Variants in DEDD observed in about 807,000 individuals in gnomAD.
The protein encoded by DEDD is death effector domain-containing protein.
Under a neutral mutation model 29.2 loss-of-function variants are expected in DEDD, and 3 were observed. That is an observed-to-expected ratio of 0.10 (90% CI 0.05 to 0.27). The LOEUF is 0.27. Among genes scored for constraint, DEDD ranks in the 10% least tolerant of loss-of-function variants. The pLI is 1.00. For synonymous variants in DEDD, 152 were observed against 161.3 expected, an observed-to-expected ratio of 0.94 and a Z score of 0.44; for missense variants, 261 against 420.5, an observed-to-expected ratio of 0.62 and a Z score of 3.32.
At chr1:161,129,023 G>A (rs1310250757) in intron 2 of DEDD, among the ~76,000 whole-genome samples, 4 of 152,184 alleles carry the variant, frequency 2.6e-5, no homozygotes, top group African/African-American at 9.7e-5. Context: ...TATTAGAAAT[G>A]TAATCCTCTG....
intron 2 of DEDD, chr1:161,125,504 T>C (rs1292982156): frequency 2.0e-5 from 3 of 152,106 alleles, no homozygotes; most frequent in African/African-American, 7.2e-5. Context: ...TTTGGCAATA[T>C]CAACTTTTTT....
chr1:161,124,218 A>C lies in DEDD; in HGVS notation c.245T>G (p.Phe82Cys), dbSNP rs1238677042. ...ERQGRCDESN[F>C]RQVLQLLRII... Reference sequence around the variant, plus strand: ...GCGCAGCAGCTGCAGCACCTGGCGAAAGTTACTTTCATCACAGCGGCCCTG... The same window carrying C: ...GCGCAGCAGCTGCAGCACCTGGCGACAGTTACTTTCATCACAGCGGCCCTG... The change falls in exon 3 of 6, where the codon TTT becomes TGT. Residue 82 changes from phenylalanine to cysteine, a missense_variant. This residue lies in a region of DEDD where 203 missense variants were observed against 268.7 expected (regional missense o/e 0.76). Transcript: ENST00000368006. The C allele has an allele frequency of 3.7e-6, 6 of 1,614,124 alleles. No homozygotes were observed. In the African/African-American group the frequency reaches 8.0e-5, roughly 22 times the overall value.
At chr1:161,125,688 G>A (rs1656091641) in intron 2 of DEDD, among the ~76,000 whole-genome samples, 2 of 152,270 alleles carry the variant, frequency 1.3e-5, no homozygotes, top group East Asian at 3.9e-4. Context: ...TTTTAGTAGA[G>A]ATGGGTTTTT....
chr1:161,126,050 T>A (rs1656138682), intron 2 of DEDD, among the ~76,000 whole-genome samples: 1 of 152,178 alleles, frequency 6.6e-6, no homozygotes, highest in East Asian at 1.9e-4. Context: ...CACTCTCTGG[T>A]CACACTCTCC....
At chr1:161,129,822 A>G (rs1002831101) in intron 2 of DEDD, among the ~76,000 whole-genome samples, 2 of 152,182 alleles carry the variant, frequency 1.3e-5, no homozygotes, top group African/African-American at 4.8e-5. Flanking sequence ...TCCTGATCCC[A>G]CTGACTGGTC....
At chr1:161,125,611 C>T (rs544953301) in intron 2 of DEDD, among the ~76,000 whole-genome samples, 4 of 152,242 alleles carry the variant, frequency 2.6e-5, no homozygotes, top group East Asian at 1.9e-4. Flanking sequence ...AAGCAATTCT[C>T]GTGCCTCAGC....
rs1364913134 is a variant in DEDD, at chr1:161,123,839, C to T, written c.433G>A (p.Val145Met). 6.2e-7 allele frequency: 1 copy of T among 1,612,474 alleles called. No individual in the cohort carries two copies. The highest frequency in any genetic ancestry group is 1.1e-5 in the South Asian group (1 of 90,952). ...GCAGGGGGAGTTAATGTCTTCTCAC[C>T]TGTTTTAGAGGGCTGGGGAGGCCTT... is the stretch of plus-strand genomic sequence containing the variant. ...EPRPPQPSKT[V>M]PPHYPVVCCP... Residue 145 changes from valine to methionine, a missense_variant and splice_region_variant, in exon 4 of 6, where the codon GTG becomes ATG. Around this residue, in one of 2 missense-constraint regions of DEDD, gnomAD observed 203 missense variants for 268.7 expected, o/e 0.76. Coordinates refer to ENST00000368006, the MANE Select transcript of DEDD (RefSeq NM_032998.3).
At position 161,124,537 on chromosome 1, in the gene DEDD, A is replaced by G. The variant is rs1655948734; in HGVS notation, c.-64-11T>C. The G allele has an allele frequency of 4.6e-6, 7 of 1,537,372 alleles. No homozygotes were observed. Among genetic ancestry groups the G allele is most frequent in the Non-Finnish European group, 5.3e-6 (6 of 1,140,988 alleles). On this transcript the variant is annotated splice_polypyrimidine_tract_variant and intron_variant, in intron 2 of 5. Transcript: ENST00000368006. ...GCAATCCCCACCGTACTGAAAGGGC[A>G]GGGAAAGAACCGATGAGACACTCAA...
chr1:161,130,648 AAC>A (rs1283718792), intron 2 of DEDD, among the ~76,000 whole-genome samples, 165 bp downstream of exon 2: 2 of 152,206 alleles, frequency 1.3e-5, no homozygotes, highest in Non-Finnish European at 2.9e-5. Context: ...ATCTCCAATT[AAC>A]TAAAGACAGT....
At position 161,121,309 on chromosome 1, in the gene DEDD, A is replaced by G; in HGVS notation, c.*838T>C. ...TATGATGCCCTTTGCCCAAGCCAGA[A>G]GAAAGCAAAGGGGAAAAGGGCTGCA... On this transcript the variant is annotated 3_prime_UTR_variant, in exon 6 of 6. Transcript: ENST00000368006. 1 of 398,954 alleles carries G rather than the reference A, an allele frequency of 2.5e-6. No individual in the cohort carries two copies. The highest frequency in any genetic ancestry group is 3.4e-6 in the Non-Finnish European group (1 of 292,884). 24.7% of individuals were successfully genotyped at this position (398,954 alleles called of 1,614,324 possible).
chr1:161,123,029 T>C (rs1655696101), intron 5 of DEDD, 46 bp downstream of exon 5: 3 of 1,614,086 alleles, frequency 1.9e-6, no homozygotes, highest in Non-Finnish European at 2.5e-6. Flanking sequence ...TTCTTTATAT[T>C]CTCCTTCAAG....
chr1:161,124,575 G>C, intron 2 of DEDD, 49 bp from the exon 3 acceptor site: 1 of 1,481,506 alleles, frequency 6.7e-7, no homozygotes, highest in Non-Finnish European at 8.9e-7. Flanking sequence ...GCAGGAACTA[G>C]TCTCATGCAT....
At chr1:161,129,381 G>C (rs1256445934) in intron 2 of DEDD, among the ~76,000 whole-genome samples, 1 of 152,024 alleles carries the variant, frequency 6.6e-6, no homozygotes, top group Admixed American at 6.6e-5. Flanking sequence ...GACTGCTTGA[G>C]CCCAGGAGTT....
In DEDD at chr1:161,122,601, A is replaced by G; in HGVS notation, c.581-78T>C. On this transcript the variant is annotated intron_variant, in intron 5 of 5. Transcript: ENST00000368006. The surrounding 1 kb of genome is among the most constrained non-coding windows in gnomAD (Gnocchi z 4.2). ...TACAAGCCAAGCTTGAAAACTGAAA[A>G]GCACAACAGAATAAAAAAGTAGGGA... The G allele has an allele frequency of 6.6e-7, 1 of 1,524,346 alleles. No individual in the cohort carries two copies. The highest frequency in any genetic ancestry group is 8.8e-7 in the Non-Finnish European group (1 of 1,132,096). 94.4% of individuals were successfully genotyped at this position (1,524,346 alleles called of 1,614,324 possible).
Position 161,123,110 on chromosome 1 carries a change from G to A in DEDD, c.545C>T (p.Ser182Leu). 1 of 1,614,198 alleles carries A rather than the reference G, an allele frequency of 6.2e-7. No individual in the cohort carries two copies. Among genetic ancestry groups the A allele is most frequent in the Non-Finnish European group, 8.5e-7 (1 of 1,180,036 alleles). ...TLGSQRKRRK[S>L]VTPDPKEKQT... ...CTTCTCCTTGGGATCTGGTGTCACT[G>A]ACTTCCGGCGTTTTCGCTGGCTCCC... Residue 182 changes from serine to leucine, a missense_variant, in exon 5 of 6, where the codon TCA becomes TTA. Ser to Leu is a moderately radical substitution (Grantham distance 145). This residue lies in a region of DEDD where 203 missense variants were observed against 268.7 expected (regional missense o/e 0.76). Coordinates refer to ENST00000368006, the MANE Select transcript of DEDD (RefSeq NM_032998.3).
chr1:161,129,658 G>A (rs1326624986), intron 2 of DEDD, among the ~76,000 whole-genome samples: 2 of 152,050 alleles, frequency 1.3e-5, no homozygotes, highest in Non-Finnish European at 2.9e-5. Context: ...GTGAAGCAAG[G>A]GAGCTCAACT....
chr1:161,124,627 T>C (rs1186603006), intron 2 of DEDD, 101 bp from the exon 3 acceptor site: 1 of 1,354,756 alleles, frequency 7.4e-7, no homozygotes, highest in Non-Finnish European at 9.7e-7. Flanking sequence ...CACAGTATAG[T>C]GCTTTATACA....
chr1:161,122,499 T>G lies in DEDD; in HGVS notation c.605A>C (p.Glu202Ala), dbSNP rs761020116. 6.2e-7 allele frequency: 1 copy of G among 1,614,034 alleles called. No homozygotes were observed. The highest frequency in any genetic ancestry group is 2.2e-5 in the East Asian group (1 of 44,882). The change falls in exon 6 of 6, where the codon GAA (glutamate) becomes GCA (alanine). Residue 202 changes from glutamate to alanine, a missense_variant. Glu to Ala is a moderately radical substitution (Grantham distance 107, BLOSUM62 -1). Around this residue, in one of 2 missense-constraint regions of DEDD, gnomAD observed 58 missense variants for 151.8 expected, o/e 0.38. Coordinates refer to ENST00000368006, the MANE Select transcript of DEDD (RefSeq NM_032998.3). The surrounding 1 kb of genome is among the most constrained non-coding windows in gnomAD (Gnocchi z 4.2). Reference sequence around the variant, plus strand: ...CAGAGCAGTCTCATGCTGGCAGTATTCAGCCCGAACCCGCAGTCTGATGTC... The same window carrying G: ...CAGAGCAGTCTCATGCTGGCAGTATGCAGCCCGAACCCGCAGTCTGATGTC... Reference protein sequence around the residue: ...TCDIRLRVRAEYCQHETALQG... With the variant: ...TCDIRLRVRAAYCQHETALQG...
rs980427919 is a variant in DEDD at position 161,122,541 on chromosome 1, T to C, written c.581-18A>G. 9 of 1,610,162 alleles carry C rather than the reference T, an allele frequency of 5.6e-6. No individual in the cohort carries two copies. Among genetic ancestry groups the C allele is most frequent in the Non-Finnish European group, 7.6e-6 (9 of 1,177,152 alleles). On this transcript the variant is annotated intron_variant, in intron 5 of 5. Transcript: ENST00000368006. This position sits in a 1 kb window ranked among gnomAD's most constrained non-coding sequence, Gnocchi z 4.2. Reference sequence around the variant, plus strand: ...TCTGATGTCTGTTGGAAACAGAAGATACAGAGCAGAAGAGGTTACAGTAAG... The same window carrying C: ...TCTGATGTCTGTTGGAAACAGAAGACACAGAGCAGAAGAGGTTACAGTAAG...
Sources: allele counts gnomAD v4.1 joint callset (sites outside exome capture counted in the v4.1 genomes callset), GRCh38; gene constraint gnomAD v4.1.1; regional missense constraint gnomAD v4.1.1; non-coding constraint Gnocchi (gnomAD v3.1); transcripts MANE v1.5; gene names NCBI Gene and HGNC (gene_info 2026-07-23, HGNC 2026-07-21).